CCDC181: variants seen among roughly 807,000 people sequenced by gnomAD.
CCDC181 encodes the protein coiled-coil domain containing 181, also known as coiled-coil domain-containing protein 181.
Under a neutral mutation model 58.7 loss-of-function variants are expected in CCDC181, and 35 were observed. That is an observed-to-expected ratio of 0.60 (90% CI 0.46 to 0.79). The LOEUF is 0.79. CCDC181 is among the 30% of genes least tolerant of loss of function. The probability of loss-of-function intolerance (pLI) is 0.00; values close to 1 mark genes in which losing one functional copy is unlikely to be tolerated. For missense variants in CCDC181, 517 were observed against 583.9 expected (o/e 0.89, Z 1.18); for synonymous variants, 183 against 197.5 (o/e 0.93, Z 0.62).
chr1:169,458,994 T>C (rs947948911), intron 2 of CCDC181, among the ~76,000 whole-genome samples: 2 of 152,110 alleles, frequency 1.3e-5, no homozygotes, highest in South Asian at 2.1e-4. Context: ...GGGATTGCAG[T>C]TGACAAATAT....
In CCDC181 at chr1:169,415,566, C is replaced by T. The variant is rs1878596; in HGVS notation, c.1215+3447G>A. Reference sequence around the variant, plus strand: ...ATTTTCTACCATACTTCAAGTACTTCGGTGGTCAGACAAATAAATTAATAT... The same window carrying T: ...ATTTTCTACCATACTTCAAGTACTTTGGTGGTCAGACAAATAAATTAATAT... On this transcript the variant is annotated intron_variant, in intron 4 of 5. Coordinates refer to ENST00000367806, the MANE Select transcript of CCDC181 (RefSeq NM_001300969.2). Among the ~76,000 whole-genome samples, 1,340 of 152,254 alleles carry T rather than the reference C, an allele frequency of 8.8e-3. 20 individuals carry two copies. The highest frequency in any genetic ancestry group is 0.03 in the African/African-American group (1,255 of 41,544).
chr1:169,419,782 A>G (rs1218293938), intron 3 of CCDC181, among the ~76,000 whole-genome samples: 2 of 152,340 alleles, frequency 1.3e-5, no homozygotes, highest in Admixed American at 6.5e-5. Context: ...ACATTCAGGT[A>G]TATTACACAG....
chr1:169,418,940 C>G, intron 4 of CCDC181, 73 bp downstream of exon 4: 1 of 1,251,954 alleles, frequency 8.0e-7, no homozygotes. Flanking sequence ...AGTCTGATAT[C>G]CAGACTCCCT....
rs1455563428 is a variant in CCDC181 at position 169,427,408 on chromosome 1, G to C, written c.-144C>G. ...CCGGCACCTGCCTCCGCGGCAGCCA[G>C]GACCACACTGCCATGGCAACAGCGT... On this transcript the variant is annotated 5_prime_UTR_variant, in exon 1 of 6. Coordinates refer to ENST00000367806, the MANE Select transcript of CCDC181 (RefSeq NM_001300969.2). The C allele has an allele frequency of 6.6e-6, 1 of 152,442 alleles. No homozygotes were observed. Among genetic ancestry groups the C allele is most frequent in the Admixed American group, 6.5e-5 (1 of 15,286 alleles). 9.4% of individuals were successfully genotyped at this position (152,442 alleles called of 1,614,324 possible). A position where few individuals can be genotyped will look rare whatever the true frequency, so the allele number is the denominator to read the frequency against.
chr1:169,399,322 C>T (rs74499162), intron 4 of CCDC181, among the ~76,000 whole-genome samples: 112 of 152,264 alleles, frequency 7.4e-4, no homozygotes, highest in African/African-American at 2.5e-3. Flanking sequence ...TCTGTATATG[C>T]ACTGAAGATA....
At chr1:169,408,422 T>A (rs1156317726) in intron 4 of CCDC181, among the ~76,000 whole-genome samples, 1 of 152,146 alleles carries the variant, frequency 6.6e-6, no homozygotes. Flanking sequence ...AAAACTCCCA[T>A]CACCCTGGGA....
At chr1:169,419,204 T>G (rs1272730739) in intron 3 of CCDC181, 45 bp from the exon 4 acceptor site, 2 of 1,489,696 alleles carry the variant, frequency 1.3e-6, no homozygotes, top group South Asian at 2.5e-5. Flanking sequence ...ATTAATAAAA[T>G]TGTATGAGTT....
chr1:169,446,153 T>C (rs1362696307), intron 2 of CCDC181, among the ~76,000 whole-genome samples: 1 of 152,060 alleles, frequency 6.6e-6, no homozygotes, highest in African/African-American at 2.4e-5. Context: ...AGGTTTAAAC[T>C]GACCTTCTTA....
At chr1:169,458,191 T>G (rs1230371531) in intron 2 of CCDC181, among the ~76,000 whole-genome samples, 7 of 148,404 alleles carry the variant, frequency 4.7e-5, no homozygotes, top group Non-Finnish European at 6.0e-5. Flanking sequence ...TTTTTTTTGT[T>G]TTGTTTTTTT....
intron 4 of CCDC181, among the ~76,000 whole-genome samples, chr1:169,404,715 G>T (rs1655552749): frequency 6.6e-6 from 1 of 152,136 alleles, no homozygotes; most frequent in South Asian, 2.1e-4. Context: ...TAGTGAATGG[G>T]CAAAACTGGA....
At chr1:169,410,019 A>G (rs1655877084) in intron 4 of CCDC181, among the ~76,000 whole-genome samples, 1 of 152,198 alleles carries the variant, frequency 6.6e-6, no homozygotes. Flanking sequence ...TGACAGGATC[A>G]AATTCACACA....
At chr1:169,418,112 C>T (rs536745891) in intron 4 of CCDC181, among the ~76,000 whole-genome samples, 44 of 152,256 alleles carry the variant, frequency 2.9e-4, no homozygotes, top group African/African-American at 9.1e-4. Flanking sequence ...GCATCTTTAA[C>T]GAAACATTTC....
At chr1:169,401,704 C>A (rs1017722494) in intron 4 of CCDC181, among the ~76,000 whole-genome samples, 7 of 152,160 alleles carry the variant, frequency 4.6e-5, no homozygotes, top group Non-Finnish European at 7.3e-5. Context: ...GGGGAGAAAC[C>A]AGAGTAGAAA....
At chr1:169,457,927 T>G (rs1657722448) in intron 2 of CCDC181, among the ~76,000 whole-genome samples, 1 of 152,170 alleles carries the variant, frequency 6.6e-6, no homozygotes, top group Non-Finnish European at 1.5e-5. Context: ...TTTTATATTT[T>G]TGTCACCTAT....
intron 4 of CCDC181, among the ~76,000 whole-genome samples, chr1:169,407,602 C>T (rs771478641): frequency 6.6e-6 from 1 of 152,228 alleles, no homozygotes; most frequent in East Asian, 1.9e-4. Flanking sequence ...TAAAAACTAT[C>T]GATCAATAAT....
At chr1:169,400,353 G>C (rs919077727) in intron 4 of CCDC181, among the ~76,000 whole-genome samples, 1 of 151,988 alleles carries the variant, frequency 6.6e-6, no homozygotes, top group Non-Finnish European at 1.5e-5. Context: ...CTGCCTACAA[G>C]AAAAAAATTC....
intron 2 of CCDC181, among the ~76,000 whole-genome samples, chr1:169,457,365 T>C (rs1657702478): frequency 6.6e-6 from 1 of 152,144 alleles, no homozygotes; most frequent in Non-Finnish European, 1.5e-5. Context: ...GGCTATAAGA[T>C]CTTCTCATTC....
Position 169,395,002 on chromosome 1 carries a change from A to C in CCDC181, c.*45T>G, listed in dbSNP as rs1289985302. 2.2e-5 allele frequency: 33 copies of C among 1,524,028 alleles called. No individual in the cohort carries two copies. The highest frequency in any genetic ancestry group is 2.7e-5 in the Non-Finnish European group (30 of 1,131,766). 94.4% of individuals were successfully genotyped at this position (1,524,028 alleles called of 1,614,324 possible). A position where few individuals can be genotyped will look rare whatever the true frequency, so the allele number is the denominator to read the frequency against. Reference sequence around the variant, plus strand: ...ACACAGACCCTAAGAAATCATATCCAAAATTTTGATAGCAGCTGCCCACTG... The same window carrying C: ...ACACAGACCCTAAGAAATCATATCCCAAATTTTGATAGCAGCTGCCCACTG... On this transcript the variant is annotated 3_prime_UTR_variant, in exon 6 of 6. Coordinates refer to ENST00000367806, the MANE Select transcript of CCDC181 (RefSeq NM_001300969.2).
chr1:169,411,757 A>C (rs1655975272), intron 4 of CCDC181, among the ~76,000 whole-genome samples: 1 of 152,236 alleles, frequency 6.6e-6, no homozygotes, highest in African/African-American at 2.4e-5. Context: ...CCATCATATA[A>C]ACAGAAACAA....
Sources: allele counts gnomAD v4.1 joint callset (sites outside exome capture counted in the v4.1 genomes callset), GRCh38; gene constraint gnomAD v4.1.1; transcripts MANE v1.5; gene names NCBI Gene and HGNC (gene_info 2026-07-23, HGNC 2026-07-21).